Variants in RRP15 observed in about 807,000 individuals in gnomAD.
RRP15 encodes ribosomal RNA processing 15 homolog.
In RRP15, 18 loss-of-function variants were observed where a neutral mutation model predicts 27.1. The observed-to-expected ratio is 0.66, with a 90% CI of 0.46 to 0.98. The LOEUF is 0.98. RRP15 is among the 50% of genes least tolerant of loss of function. RRP15 has a pLI of 0.00. For synonymous variants in RRP15, 107 were observed against 109.4 expected, an observed-to-expected ratio of 0.98 and a Z score of 0.14; for missense variants, 359 against 337.8, an observed-to-expected ratio of 1.06 and a Z score of -0.49.
chr1:218,287,711 G>A (rs539540658), intron 1 of RRP15, among the ~76,000 whole-genome samples: 9 of 152,066 alleles, frequency 5.9e-5, no homozygotes, highest in African/African-American at 1.4e-4. Flanking sequence ...TATATCTTAC[G>A]TGTATTATTG....
At chr1:218,297,039 C>T (rs988644932) in intron 1 of RRP15, among the ~76,000 whole-genome samples, 2 of 152,136 alleles carry the variant, frequency 1.3e-5, no homozygotes, top group African/African-American at 2.4e-5. Flanking sequence ...CTGTGCTAAG[C>T]GCTTTTCATG....
Position 218,318,921 on chromosome 1 carries a change from AT to A in RRP15, c.705+11292del, listed in dbSNP as rs574760665. Among the ~76,000 whole-genome samples, 178 of 152,150 alleles carry A rather than the reference AT, an allele frequency of 1.2e-3. 1 individual carries two copies. The highest frequency in any genetic ancestry group is 3.0e-3 in the African/African-American group (123 of 41,516). ...GAGGTTACAGAATGGTGATTTTCTCATTTGTTTTCTAATTTATTAGCTGACA... is the reference window on the plus strand; with the variant it reads ...GAGGTTACAGAATGGTGATTTTCTCATTGTTTTCTAATTTATTAGCTGACA... On this transcript the variant is annotated intron_variant, in intron 4 of 4. Coordinates refer to ENST00000366932, the MANE Select transcript of RRP15 (RefSeq NM_016052.4).
intron 4 of RRP15, among the ~76,000 whole-genome samples, chr1:218,329,265 A>G (rs1656327650): frequency 6.7e-6 from 1 of 148,856 alleles, no homozygotes; most frequent in Non-Finnish European, 1.5e-5. Context: ...AAAAAAAAAA[A>G]AAAAATTAGC....
intron 4 of RRP15, among the ~76,000 whole-genome samples, chr1:218,316,836 A>T (rs1385422091): frequency 6.6e-6 from 1 of 152,190 alleles, no homozygotes; most frequent in African/African-American, 2.4e-5. Context: ...TTTGAAGGGG[A>T]ACTCTTACTA....
Position 218,285,293 on chromosome 1 carries a change from AG to A in RRP15, c.-22del, listed in dbSNP as rs1422857776. On this transcript the variant is annotated 5_prime_UTR_variant, in exon 1 of 5. Transcript: ENST00000366932. The stretch of plus-strand genomic sequence containing the variant: ...CTGGTTGCCACCGGACGCAACTGTC[AG>A]GTGACGCTTCCGGCGCAGAAAAATG... 5.6e-6 allele frequency: 9 copies of A among 1,612,358 alleles called. No individual in the cohort carries two copies. Among genetic ancestry groups the A allele is most frequent in the Non-Finnish European group, 7.6e-6 (9 of 1,179,386 alleles).
At chr1:218,308,464 C>A (rs1486696116) in intron 4 of RRP15, among the ~76,000 whole-genome samples, 1 of 151,938 alleles carries the variant, frequency 6.6e-6, no homozygotes, top group East Asian at 1.9e-4. Flanking sequence ...TTTAAAAAAG[C>A]AAAATATGTA....
At chr1:218,299,701 A>G (rs1351057896) in intron 1 of RRP15, among the ~76,000 whole-genome samples, 1 of 152,196 alleles carries the variant, frequency 6.6e-6, no homozygotes, top group South Asian at 2.1e-4. Context: ...GCCTCCTTAC[A>G]TTTAGTTAAA....
intron 1 of RRP15, among the ~76,000 whole-genome samples, chr1:218,295,610 A>C (rs1655706862): frequency 2.0e-5 from 3 of 152,220 alleles, no homozygotes; most frequent in Admixed American, 1.3e-4. Flanking sequence ...TTAAGATATA[A>C]TAACCTAGTG....
rs1178301560 is a variant in RRP15 at position 218,328,901 on chromosome 1, C to A, written c.706-2047C>A. The stretch of plus-strand genomic sequence containing the variant: ...TGGGTGTACTTGCCTAACATAGAGG[C>A]TTCACACTGAGATTGTACTTGTTCA... On this transcript the variant is annotated intron_variant, in intron 4 of 4. Transcript: ENST00000366932. 2.0e-5 allele frequency among the ~76,000 whole-genome samples: 3 copies of A among 152,036 alleles called. No homozygotes were observed. In the East Asian group the frequency reaches 5.8e-4, roughly 29 times the overall value.
At chr1:218,309,151 T>G (rs1263486150) in intron 4 of RRP15, among the ~76,000 whole-genome samples, 1 of 152,176 alleles carries the variant, frequency 6.6e-6, no homozygotes, top group East Asian at 1.9e-4. Flanking sequence ...TGGGACAAGG[T>G]CAAAAATTGC....
intron 4 of RRP15, among the ~76,000 whole-genome samples, chr1:218,309,954 A>G (rs1252661357): frequency 6.6e-6 from 1 of 152,148 alleles, no homozygotes; most frequent in African/African-American, 2.4e-5. Flanking sequence ...ATTTATTTAG[A>G]GCATAGATCA....
chr1:218,307,080 A>G (rs1655911304), intron 3 of RRP15, among the ~76,000 whole-genome samples: 1 of 152,246 alleles, frequency 6.6e-6, no homozygotes, highest in Non-Finnish European at 1.5e-5. Flanking sequence ...TCATAACACA[A>G]GAGTTGCAGA....
At chr1:218,303,938 A>T (rs758706910) in intron 2 of RRP15, among the ~76,000 whole-genome samples, 1 of 152,226 alleles carries the variant, frequency 6.6e-6, no homozygotes, top group African/African-American at 2.4e-5. Flanking sequence ...TTAAGCATAC[A>T]TATTATCCTT....
rs1158608064 is a variant in RRP15 at position 218,303,419 on chromosome 1, CTG to C, written c.405+865_405+866del. Among the ~76,000 whole-genome samples, 5 of 152,072 alleles carry C rather than the reference CTG, an allele frequency of 3.3e-5. No homozygotes were observed. In the East Asian group the frequency reaches 9.6e-4, roughly 29 times the overall value. The stretch of plus-strand genomic sequence containing the variant: ...TTCTTTGTTCTTAATACTGGTTGCT[CTG>C]TGTGAAAGGTGGAAATTTTTAAGTA... On this transcript the variant is annotated intron_variant, in intron 2 of 4. Transcript: ENST00000366932.
At chr1:218,303,050 T>A (rs563603554) in intron 2 of RRP15, among the ~76,000 whole-genome samples, 6 of 152,322 alleles carry the variant, frequency 3.9e-5, no homozygotes, top group African/African-American at 1.4e-4. Flanking sequence ...TTGAATTCAT[T>A]ATGCTTTTGT....
At position 218,337,638 on chromosome 1, in the gene RRP15, T is replaced by C. The variant is rs977781095; in HGVS notation, c.*6547T>C. ...TGCATGAGGTGAATAGAATAAGACTTTTTTTTAAAGAATGTAATTTTTGAC... is the reference window on the plus strand; with the variant it reads ...TGCATGAGGTGAATAGAATAAGACTCTTTTTTAAAGAATGTAATTTTTGAC... On this transcript the variant is annotated 3_prime_UTR_variant, in exon 5 of 5. Coordinates refer to ENST00000366932, the MANE Select transcript of RRP15 (RefSeq NM_016052.4). 1.4e-4 allele frequency: 21 copies of C among 152,082 alleles called. No individual in the cohort carries two copies. The highest frequency in any genetic ancestry group is 4.1e-4 in the African/African-American group (17 of 41,424). 9.4% of individuals were successfully genotyped at this position (152,082 alleles called of 1,614,324 possible). A position where few individuals can be genotyped will look rare whatever the true frequency, so the allele number is the denominator to read the frequency against.
intron 4 of RRP15, among the ~76,000 whole-genome samples, chr1:218,325,588 G>T (rs1415108866): frequency 6.6e-6 from 1 of 151,952 alleles, no homozygotes; most frequent in Non-Finnish European, 1.5e-5. Context: ...TGAATCTTTC[G>T]ATTTCTGATT....
intron 4 of RRP15, among the ~76,000 whole-genome samples, chr1:218,329,237 CAAAAAAAAAAAA>C (rs1164512474): frequency 9.5e-4 from 51 of 53,580 alleles, no homozygotes; most frequent in Middle Eastern, 0.029. Flanking sequence ...CCTGTCTCTA[CAAAAAAAAAAAA>C]AAAAAAAAAA....
At chr1:218,312,846 T>A (rs148920373) in intron 4 of RRP15, among the ~76,000 whole-genome samples, 1 of 152,212 alleles carries the variant, frequency 6.6e-6, no homozygotes, top group Non-Finnish European at 1.5e-5. Context: ...ATTTTTCAGA[T>A]TCCTTATAGT....
Sources: gnomAD v4.1 joint callset for allele counts (sites outside exome capture counted in the v4.1 genomes callset) on GRCh38, gnomAD v4.1.1 for gene constraint, MANE v1.5 for transcripts, NCBI Gene and HGNC (gene_info 2026-07-23, HGNC 2026-07-21) for gene names.